CPE: variants seen among roughly 807,000 people sequenced by gnomAD.
The protein encoded by CPE is carbocypeptidase E.
A neutral mutation model predicts 53.5 loss-of-function variants in CPE; 17 were observed. The ratio of observed to expected loss-of-function variants is 0.32; its 90% CI spans 0.22 to 0.48. The LOEUF is 0.48. Ranked by LOEUF, CPE falls within the 20% of genes least tolerant of loss-of-function variation. CPE has a pLI of 0.99. For missense variants in CPE, 524 were observed against 614.7 expected (o/e 0.85, Z 1.56); for synonymous variants, 226 against 228.8 (o/e 0.99, Z 0.11).
Position 165,379,391 on chromosome 4 carries a change from C to A in CPE, c.170C>A (p.Pro57His). ...ATCTCCTTCGAGTACCACCGCTACC[C>A]CGAGCTGCGCGAGGCGCTCGTGTCC... ...DGISFEYHRY[P>H]ELREALVSVW... The change falls in exon 1 of 9, where the codon CCC (proline) becomes CAC (histidine). Residue 57 changes from proline (P) to histidine (H), a missense_variant. Transcript: ENST00000402744. The surrounding 1 kb of genome is among the most constrained non-coding windows in gnomAD (Gnocchi z 6.0). 1 of 1,609,380 alleles carries A rather than the reference C, an allele frequency of 6.2e-7. No individual in the cohort carries two copies.
At chr4:165,454,349 T>C (rs1257441096) in intron 1 of CPE, among the ~76,000 whole-genome samples, 1 of 146,974 alleles carries the variant, frequency 6.8e-6, no homozygotes, top group Non-Finnish European at 1.5e-5. Context: ...AAGTCTTTCA[T>C]GATGATGTTG....
chr4:165,422,422 G>T (rs188737038), intron 1 of CPE, among the ~76,000 whole-genome samples: 2 of 152,168 alleles, frequency 1.3e-5, no homozygotes, highest in Admixed American at 6.5e-5. Context: ...AGCAGGAAAA[G>T]AATTAAAGTT....
intron 1 of CPE, among the ~76,000 whole-genome samples, chr4:165,423,636 ATTTT>A (rs1348236360): frequency 2.6e-5 from 4 of 151,798 alleles, no homozygotes; most frequent in Non-Finnish European, 5.9e-5. Context: ...ATTTTATTTT[ATTTT>A]ATTTTATTTT....
Position 165,479,595 on chromosome 4 carries a change from A to G in CPE, c.673-2647A>G, listed in dbSNP as rs1012971058. On this transcript the variant is annotated intron_variant, in intron 3 of 8. Transcript: ENST00000402744. ...ATAGGTTTGATGTTATGTACTTAAC[A>G]TAAATATCTTAATGCTCTGTATTTT... 9.8e-5 allele frequency among the ~76,000 whole-genome samples: 15 copies of G among 152,364 alleles called. No homozygotes were observed. The East Asian group carries it at 1.2e-3, about 12-fold the overall frequency.
In CPE at chr4:165,484,461, T is replaced by C; in HGVS notation, c.830T>C (p.Ile277Thr). Residue 277 changes from isoleucine (I) to threonine (T), a missense_variant, in exon 5 of 9, where the codon ATT (isoleucine) becomes ACT (threonine). By Grantham distance (89) the Ile-to-Thr change is moderately conservative (BLOSUM62 -1). Transcript: ENST00000402744. ...HEYSSSPDDA[I>T]FQSLARAYSS... ...TACAGCTCCTCCCCAGATGACGCCATTTTCCAAAGCTTGGCCCGGGCATAC... is the reference window on the plus strand; with the variant it reads ...TACAGCTCCTCCCCAGATGACGCCACTTTCCAAAGCTTGGCCCGGGCATAC... The C allele has an allele frequency of 6.2e-7, 1 of 1,614,038 alleles. No homozygotes were observed. The highest frequency in any genetic ancestry group is 8.5e-7 in the Non-Finnish European group (1 of 1,179,934).
intron 1 of CPE, among the ~76,000 whole-genome samples, chr4:165,402,549 G>A (rs1299111989): frequency 3.3e-5 from 5 of 152,058 alleles, no homozygotes; most frequent in East Asian, 1.9e-4. Context: ...GTGAGTTCTC[G>A]CGAGATCTGA....
At chr4:165,393,443 G>A (rs1730715433) in intron 1 of CPE, among the ~76,000 whole-genome samples, 1 of 152,096 alleles carries the variant, frequency 6.6e-6, no homozygotes, top group Admixed American at 6.6e-5. Flanking sequence ...ATCTTCATTA[G>A]TGTTCCATAG....
intron 1 of CPE, among the ~76,000 whole-genome samples, chr4:165,420,569 G>GT (rs67563190): frequency 8.7e-5 from 13 of 150,098 alleles, no homozygotes; most frequent in Middle Eastern, 6.9e-3. Context: ...TATTTTTTCT[G>GT]TTTTTTTTCT....
chr4:165,481,096 C>A (rs546278048), intron 3 of CPE, among the ~76,000 whole-genome samples: 1 of 148,814 alleles, frequency 6.7e-6, no homozygotes, highest in South Asian at 2.1e-4. Context: ...CTCTAAATCA[C>A]ACTTTTCCAC....
intron 1 of CPE, among the ~76,000 whole-genome samples, chr4:165,396,717 C>T (rs28604413): frequency 0.25 from 37,511 of 148,794 alleles, 4,872 homozygotes; most frequent in East Asian, 0.41. Context: ...ATAAGATAGA[C>T]GGAAATATAA....
chr4:165,400,486 G>A (rs921142561), intron 1 of CPE, among the ~76,000 whole-genome samples: 6 of 152,148 alleles, frequency 3.9e-5, no homozygotes, highest in African/African-American at 1.4e-4. Context: ...GGCATATGAC[G>A]ATGCCCAGTG....
chr4:165,408,078 AT>A (rs1730980636), intron 1 of CPE, among the ~76,000 whole-genome samples: 1 of 152,046 alleles, frequency 6.6e-6, no homozygotes, highest in African/African-American at 2.4e-5. Context: ...CAGATATACA[AT>A]TTGCAAAAAT....
chr4:165,389,723 T>A lies in CPE; in HGVS notation c.307+10195T>A, dbSNP rs1253857608. On this transcript the variant is annotated intron_variant, in intron 1 of 8. Coordinates refer to ENST00000402744, the MANE Select transcript of CPE (RefSeq NM_001873.4). Reference sequence around the variant, plus strand: ...GTAAAATTATTTGGCAAATAAATATTATTAAATGCCACTAGCATAATAAAT... The same window carrying A: ...GTAAAATTATTTGGCAAATAAATATAATTAAATGCCACTAGCATAATAAAT... Among the ~76,000 whole-genome samples the A allele has an allele frequency of 3.3e-5, 5 of 152,246 alleles. No individual in the cohort carries two copies. The East Asian group carries it at 9.6e-4, about 29-fold the overall frequency.
At position 165,379,695 on chromosome 4, in the gene CPE, A is replaced by G. The variant is rs1017089657; in HGVS notation, c.307+167A>G. The stretch of plus-strand genomic sequence containing the variant: ...AGTGGAGGGAGGGATGGAAATGGGG[A>G]AGAACCCGACTTAGAGCGCCAGTGG... On this transcript the variant is annotated intron_variant, in intron 1 of 8. Coordinates refer to ENST00000402744, the MANE Select transcript of CPE (RefSeq NM_001873.4). The surrounding 1 kb of genome is among the most constrained non-coding windows in gnomAD (Gnocchi z 6.0). Among the ~76,000 whole-genome samples, 1 of 152,008 alleles carries G rather than the reference A, an allele frequency of 6.6e-6. No homozygotes were observed. The highest frequency in any genetic ancestry group is 2.4e-5 in the African/African-American group (1 of 41,382).
chr4:165,379,377 G>C lies in CPE; in HGVS notation c.156G>C (p.Glu52Asp). ...RLQQEDGISF[E>D]YHRYPELREA... ...AGCAAGAGGACGGCATCTCCTTCGA[G>C]TACCACCGCTACCCCGAGCTGCGCG... The change falls in exon 1 of 9, where the codon GAG (glutamate) becomes GAC (aspartate). Residue 52 changes from glutamate to aspartate, a missense_variant. Coordinates refer to ENST00000402744, the MANE Select transcript of CPE (RefSeq NM_001873.4). The surrounding 1 kb of genome is among the most constrained non-coding windows in gnomAD (Gnocchi z 6.0). The C allele has an allele frequency of 6.2e-7, 1 of 1,606,630 alleles. No homozygotes were observed. The highest frequency in any genetic ancestry group is 1.1e-5 in the South Asian group (1 of 90,030).
chr4:165,402,391 A>G (rs1221698425), intron 1 of CPE, among the ~76,000 whole-genome samples: 2 of 152,240 alleles, frequency 1.3e-5, no homozygotes, highest in Non-Finnish European at 2.9e-5. Context: ...CTGGCCGGTT[A>G]CATGACACCA....
In CPE at chr4:165,379,840, CA is replaced by C. The variant is rs1730474587; in HGVS notation, c.307+314del. Among the ~76,000 whole-genome samples, 1 of 152,112 alleles carries C rather than the reference CA, an allele frequency of 6.6e-6. No individual in the cohort carries two copies. The highest frequency in any genetic ancestry group is 1.9e-4 in the East Asian group (1 of 5,160). ...GGGTGGCGGGGGATGGGGGGGATAG[CA>C]ATACAGAAAAAACAAATCCTGACGC... On this transcript the variant is annotated intron_variant, in intron 1 of 8. Coordinates refer to ENST00000402744, the MANE Select transcript of CPE (RefSeq NM_001873.4). The surrounding 1 kb of genome is among the most constrained non-coding windows in gnomAD (Gnocchi z 6.0).
intron 1 of CPE, among the ~76,000 whole-genome samples, chr4:165,399,986 A>T (rs1730840098): frequency 6.6e-6 from 1 of 152,188 alleles, no homozygotes; most frequent in Non-Finnish European, 1.5e-5. Flanking sequence ...CTTAGACCTT[A>T]CTGTACATGT....
chr4:165,389,775 T>C (rs1313582810), intron 1 of CPE, among the ~76,000 whole-genome samples: 1 of 152,226 alleles, frequency 6.6e-6, no homozygotes, highest in Non-Finnish European at 1.5e-5. Flanking sequence ...CTAGTGAAAA[T>C]TAGAATTTCA....
Sources: gnomAD v4.1 joint callset for allele counts (sites outside exome capture counted in the v4.1 genomes callset) on GRCh38, gnomAD v4.1.1 for gene constraint, Gnocchi (gnomAD v3.1) non-coding constraint, MANE v1.5 for transcripts, NCBI Gene and HGNC (gene_info 2026-07-23, HGNC 2026-07-21) for gene names.